Variants in CUL5 observed in about 807,000 individuals in gnomAD.
CUL5 encodes cullin-5.
In CUL5, 26 loss-of-function variants were observed where a neutral mutation model predicts 108.8. The ratio of observed to expected loss-of-function variants is 0.24; its 90% CI spans 0.18 to 0.33. The LOEUF is 0.33. Among genes scored for constraint, CUL5 ranks in the 10% least tolerant of loss-of-function variants. The pLI, the probability that CUL5 is intolerant of heterozygous loss-of-function variation, is 1.00. For missense variants in CUL5, 524 were observed against 909.2 expected (o/e 0.58, Z 5.45); for synonymous variants, 334 against 298.0 (o/e 1.12, Z -1.25).
At chr11:108,059,728 A>C (rs1280349488) in intron 7 of CUL5, among the ~76,000 whole-genome samples, 1 of 151,866 alleles carries the variant, frequency 6.6e-6, no homozygotes. Context: ...AAAAAAATAC[A>C]AAAAAATTAG....
At chr11:108,051,912 A>G (rs1863235345) in intron 4 of CUL5, among the ~76,000 whole-genome samples, 1 of 152,192 alleles carries the variant, frequency 6.6e-6, no homozygotes, top group African/African-American at 2.4e-5. Flanking sequence ...AAGCAGATAA[A>G]TAAGTAACAG....
At chr11:108,052,006 C>T (rs773950528) in intron 4 of CUL5, among the ~76,000 whole-genome samples, 3 of 152,150 alleles carry the variant, frequency 2.0e-5, no homozygotes, top group Non-Finnish European at 4.4e-5. Context: ...TGCTGTGTTG[C>T]CCAGGCTAGA....
chr11:108,025,596 A>G (rs1221552728), intron 1 of CUL5, among the ~76,000 whole-genome samples: 1 of 151,828 alleles, frequency 6.6e-6, no homozygotes, highest in African/African-American at 2.4e-5. Context: ...GGGTGTTTCC[A>G]CTCTGGCTGG....
intron 7 of CUL5, among the ~76,000 whole-genome samples, chr11:108,058,627 C>T (rs1282856930): frequency 1.3e-5 from 2 of 151,594 alleles, no homozygotes; most frequent in Non-Finnish European, 2.9e-5. Context: ...TCTCCTGCTG[C>T]TTTTACTTTA....
intron 1 of CUL5, among the ~76,000 whole-genome samples, chr11:108,009,994 C>T (rs1269377345): frequency 6.6e-6 from 1 of 152,362 alleles, no homozygotes; most frequent in East Asian, 1.9e-4. Flanking sequence ...CAGATGACAA[C>T]TGATGAAGCG....
chr11:108,083,971 T>C (rs1395751753), intron 11 of CUL5, among the ~76,000 whole-genome samples: 2 of 152,146 alleles, frequency 1.3e-5, no homozygotes, highest in African/African-American at 4.8e-5. Flanking sequence ...CGTAAAACAT[T>C]ATGAGATTTT....
intron 13 of CUL5, among the ~76,000 whole-genome samples, chr11:108,093,891 G>A (rs1249404822): frequency 6.6e-6 from 1 of 151,968 alleles, no homozygotes; most frequent in Non-Finnish European, 1.5e-5. Context: ...TTGTAGTGAT[G>A]GGGGTGTCAC....
chr11:108,074,193 T>TTA (rs1253765409), intron 10 of CUL5: 1 of 146,174 alleles, frequency 6.8e-6, no homozygotes, highest in East Asian at 2.0e-4. Context: ...TATTTTAATT[T>TTA]TTTTTTTTTT....
intron 7 of CUL5, among the ~76,000 whole-genome samples, chr11:108,061,894 G>GGAGAGAGAGA (rs145120147): frequency 2.0e-5 from 3 of 149,914 alleles, no homozygotes; most frequent in African/African-American, 7.3e-5. Context: ...TGTGGCAGCA[G>GGAGAGAGAGA]GAGAGAGAGA....
chr11:108,100,775 A>T (rs896190167), intron 18 of CUL5, among the ~76,000 whole-genome samples: 1 of 152,202 alleles, frequency 6.6e-6, no homozygotes, highest in Non-Finnish European at 1.5e-5. Context: ...TCACGCCTGT[A>T]ATCCCAACAC....
chr11:108,054,997 A>G, intron 7 of CUL5, 42 bp downstream of exon 7: 1 of 1,315,052 alleles, frequency 7.6e-7, no homozygotes, highest in Non-Finnish European at 1.1e-6. Flanking sequence ...GATTATTTGA[A>G]ATACGGAAGC....
intron 2 of CUL5, among the ~76,000 whole-genome samples, chr11:108,039,196 A>G (rs1862825188): frequency 6.6e-6 from 1 of 151,682 alleles, no homozygotes; most frequent in African/African-American, 2.4e-5. Flanking sequence ...AATTTTTTGT[A>G]TTTAGTAGAG....
In CUL5 at chr11:108,094,483, A is replaced by G. The variant is rs1464519623; in HGVS notation, c.1536A>G (p.Glu512=). The change falls in exon 14 of 19, where the codon GAA becomes GAG. Residue 512 remains glutamate, a synonymous_variant. Transcript: ENST00000393094. ...VSEDLNQAFK[E]MHKNNKLALP... ...AAGATTTGAACCAAGCTTTTAAGGA[A>G]ATGCACAAAAATAATAAATTGGCAT... 1 of 1,490,080 alleles carries G rather than the reference A, an allele frequency of 6.7e-7. No homozygotes were observed. 92.3% of individuals were successfully genotyped at this position (1,490,080 alleles called of 1,614,324 possible). A position where few individuals can be genotyped will look rare whatever the true frequency, so the allele number is the denominator to read the frequency against.
chr11:108,084,585 T>G (rs1435289932), intron 11 of CUL5, among the ~76,000 whole-genome samples: 2 of 152,232 alleles, frequency 1.3e-5, no homozygotes, highest in Admixed American at 1.3e-4. Flanking sequence ...CTTGTTCTTG[T>G]GTGATTCTTA....
intron 2 of CUL5, among the ~76,000 whole-genome samples, chr11:108,037,564 TC>T (rs1439087186): frequency 6.6e-6 from 1 of 152,074 alleles, no homozygotes; most frequent in Non-Finnish European, 1.5e-5. Flanking sequence ...AATCCAAACT[TC>T]CAAATGTCTT....
chr11:108,028,411 T>TC (rs1201024035), intron 1 of CUL5, among the ~76,000 whole-genome samples: 4 of 152,190 alleles, frequency 2.6e-5, no homozygotes, highest in Non-Finnish European at 5.9e-5. Context: ...TTCTCATACC[T>TC]CCTACCTCCA....
chr11:108,030,629 C>T (rs1450183254), intron 1 of CUL5, among the ~76,000 whole-genome samples: 1 of 152,148 alleles, frequency 6.6e-6, no homozygotes, highest in East Asian at 1.9e-4. Flanking sequence ...AAGAGTGAAA[C>T]TCTGTCTCAA....
At chr11:108,098,708 C>A (rs967565231) in intron 18 of CUL5, among the ~76,000 whole-genome samples, 179 bp downstream of exon 18, 51 of 151,308 alleles carry the variant, frequency 3.4e-4, no homozygotes, top group Non-Finnish European at 5.7e-4. Context: ...AAAGTGAGAT[C>A]TTGTCTCAAT....
At chr11:108,094,634 C>T (rs1369729344) in intron 14 of CUL5, 120 bp downstream of exon 14, 17 of 775,264 alleles carry the variant, frequency 2.2e-5, no homozygotes, top group Non-Finnish European at 2.9e-5. Flanking sequence ...AGTCCATTTC[C>T]GTGGAGACAG....
Sources: gnomAD v4.1 joint callset for allele counts (sites outside exome capture counted in the v4.1 genomes callset) on GRCh38, gnomAD v4.1.1 for gene constraint, MANE v1.5 for transcripts, NCBI Gene and HGNC (gene_info 2026-07-23, HGNC 2026-07-21) for gene names.